PIK3C2G: variants seen among roughly 807,000 people sequenced by gnomAD.
PIK3C2G encodes phosphatidylinositol-4-phosphate 3-kinase catalytic subunit type 2 gamma.
A neutral mutation model predicts 181.1 loss-of-function variants in PIK3C2G; 168 were observed. That is an observed-to-expected ratio of 0.93 (90% CI 0.82 to 1.05). The LOEUF is 1.05. PIK3C2G is among the 50% of genes least tolerant of loss of function. PIK3C2G has a pLI of 0.00. For synonymous variants in PIK3C2G, 573 were observed against 592.2 expected (o/e 0.97, Z 0.47); for missense variants, 1,869 against 1,732.8 (o/e 1.08, Z -1.40).
chr12:18,607,065 C>A, intron 30 of PIK3C2G: 2 of 396,926 alleles, frequency 5.0e-6, no homozygotes, highest in South Asian at 2.0e-5. Context: ...CCTAAACAAA[C>A]TGAGACATAT....
chr12:18,273,166 T>C (rs1948818191), intron 1 of PIK3C2G, among the ~76,000 whole-genome samples: 1 of 152,186 alleles, frequency 6.6e-6, no homozygotes, highest in African/African-American at 2.4e-5. Flanking sequence ...ACTTATATGA[T>C]TAACAAAAAG....
intron 18 of PIK3C2G, among the ~76,000 whole-genome samples, chr12:18,442,183 T>G (rs1275404178): frequency 6.8e-6 from 1 of 147,046 alleles, no homozygotes; most frequent in Non-Finnish European, 1.5e-5. Flanking sequence ...TATATTGATA[T>G]GAATAATCAC....
At chr12:18,292,227 A>AATATATAT (rs1555149102) in intron 4 of PIK3C2G, among the ~76,000 whole-genome samples, 1,122 of 48,396 alleles carry the variant, frequency 0.023, 45 homozygotes, top group Non-Finnish European at 0.027. Context: ...AAAAAAAAAA[A>AATATATAT]ATATATATAT....
the PIK3C2G span, chr12:18,683,317 A>G: frequency 1.1e-5 from 17 of 1,612,314 alleles, no homozygotes; most frequent in East Asian, 3.6e-4. Context: ...GAGGAATACG[A>G]CGATAACCTG....
At chr12:18,329,077 T>C (rs1461370627) in intron 8 of PIK3C2G, among the ~76,000 whole-genome samples, 1 of 151,966 alleles carries the variant, frequency 6.6e-6, no homozygotes, top group East Asian at 1.9e-4. Flanking sequence ...CAGATTGTAC[T>C]AAAAGTCAAA....
intron 18 of PIK3C2G, among the ~76,000 whole-genome samples, chr12:18,485,461 G>A (rs957255007): frequency 6.6e-5 from 10 of 152,014 alleles, no homozygotes; most frequent in African/African-American, 2.4e-4. Flanking sequence ...CAGTCACCTG[G>A]ATTATGTTTC....
At chr12:18,679,388 T>C in the PIK3C2G span, among the ~76,000 whole-genome samples, 1 of 152,066 alleles carries the variant, frequency 6.6e-6, no homozygotes, top group African/African-American at 2.4e-5. Flanking sequence ...ACAAAGATAT[T>C]CTATCTGCTT....
At chr12:18,693,213 C>A in the PIK3C2G span, 92 of 1,571,998 alleles carry the variant, frequency 5.9e-5, no homozygotes, top group Admixed American at 1.8e-4. Flanking sequence ...TCTTCTGGAA[C>A]CTGGCTGCTC....
chr12:18,650,679 T>TGA (rs1950413454), downstream of PIK3C2G, among the ~76,000 whole-genome samples: 1 of 40,106 alleles, frequency 2.5e-5, no homozygotes, highest in Admixed American at 4.3e-4. Flanking sequence ...TGTGTGTGTG[T>TGA]GTGTGTGTGT....
At chr12:18,650,296 T>TAA, downstream of PIK3C2G, among the ~76,000 whole-genome samples, 7 of 12,418 alleles carry the variant, frequency 5.6e-4, no homozygotes, top group South Asian at 0.067. Context: ...CCCAAATTTC[T>TAA]CTCTCTCTCT....
rs985189371 is a variant in PIK3C2G at position 18,311,201 on chromosome 12, T to C, written c.1035-2761T>C. Among the ~76,000 whole-genome samples the C allele has an allele frequency of 4.0e-5, 6 of 151,374 alleles. No homozygotes were observed. The East Asian group carries it at 1.2e-3, about 29-fold the overall frequency. ...CCAGATTCCACCATATACACACACA[T>C]ACAGACACACACACACACACGAGGA... is the stretch of plus-strand genomic sequence containing the variant. On this transcript the variant is annotated intron_variant, in intron 5 of 32. Coordinates refer to ENST00000538779, the MANE Select transcript of PIK3C2G (RefSeq NM_001288772.2).
At chr12:18,502,461 A>C (rs939339710) in intron 22 of PIK3C2G, among the ~76,000 whole-genome samples, 24 of 152,260 alleles carry the variant, frequency 1.6e-4, no homozygotes, top group African/African-American at 5.8e-4. Context: ...GAAACTCTAG[A>C]CTTTAATTTA....
chr12:18,367,722 C>T (rs1369843972), intron 12 of PIK3C2G, among the ~76,000 whole-genome samples: 3 of 151,828 alleles, frequency 2.0e-5, no homozygotes, highest in African/African-American at 4.8e-5. Context: ...CCACGCCTGG[C>T]TAATTATGTA....
At chr12:18,252,734 TGAG>T (rs1948106891) in intron 1 of PIK3C2G, among the ~76,000 whole-genome samples, 1 of 152,162 alleles carries the variant, frequency 6.6e-6, no homozygotes, top group African/African-American at 2.4e-5. Context: ...TCTCTATGTA[TGAG>T]GAGGGTACCT....
At chr12:18,658,993 C>G in the PIK3C2G span, among the ~76,000 whole-genome samples, 1 of 152,046 alleles carries the variant, frequency 6.6e-6, no homozygotes, top group African/African-American at 2.4e-5. Flanking sequence ...ATAACTCATG[C>G]TCTATGACTC....
chr12:18,356,450 G>C (rs1431859622), intron 11 of PIK3C2G, among the ~76,000 whole-genome samples: 2 of 152,058 alleles, frequency 1.3e-5, no homozygotes, highest in Non-Finnish European at 2.9e-5. Flanking sequence ...GGCAGCATCT[G>C]GGGGGTACCT....
At chr12:18,555,321 C>G (rs2136304357) in intron 26 of PIK3C2G, among the ~76,000 whole-genome samples, 1 of 152,172 alleles carries the variant, frequency 6.6e-6, no homozygotes, top group East Asian at 1.9e-4. Context: ...AAAATGTTTG[C>G]CATTTGTAGT....
At chr12:18,574,910 C>A (rs1238807482) in intron 29 of PIK3C2G, among the ~76,000 whole-genome samples, 1 of 151,826 alleles carries the variant, frequency 6.6e-6, no homozygotes, top group Non-Finnish European at 1.5e-5. Flanking sequence ...TGAATCAGTA[C>A]ATATAAAAAA....
chr12:18,567,202 A>T lies in PIK3C2G; in HGVS notation c.4011+145A>T, dbSNP rs1945686437. ...TGCTTAAAGCCAGGAGTTTAAGTCA[A>T]TCCTGGGCCACAAAACGAGACCTCA... On this transcript the variant is annotated intron_variant, in intron 29 of 32. Coordinates refer to ENST00000538779, the MANE Select transcript of PIK3C2G (RefSeq NM_001288772.2). The T allele has an allele frequency of 8.9e-6, 5 of 561,130 alleles. No individual in the cohort carries two copies. The South Asian group carries it at 1.3e-4, about 14-fold the overall frequency. The allele number at this position is 561,130 out of a possible 1,614,324, so 34.8% of individuals were successfully genotyped here.
Sources: allele counts gnomAD v4.1 joint callset (sites outside exome capture counted in the v4.1 genomes callset), GRCh38; gene constraint gnomAD v4.1.1; transcripts MANE v1.5; gene names NCBI Gene and HGNC (gene_info 2026-07-23, HGNC 2026-07-21).